The following MME variants were observed in gnomAD, a reference collection of about 807,000 sequenced individuals.
The protein encoded by MME is membrane metalloendopeptidase.
MME carries 98 observed loss-of-function variants against 113.2 expected under a neutral mutation model. The ratio of observed to expected loss-of-function variants is 0.87; its 90% CI spans 0.74 to 1.02. MME has a LOEUF of 1.02. MME is among the 50% of genes least tolerant of loss of function. The pLI, the probability that MME is intolerant of heterozygous loss-of-function variation, is 0.00. For synonymous variants in MME, 292 were observed against 300.6 expected (o/e 0.97, Z 0.30); for missense variants, 836 against 896.0 (o/e 0.93, Z 0.86).
At chr3:155,067,560 C>T (rs553694052) in intron 1 of MME, among the ~76,000 whole-genome samples, 31 of 152,088 alleles carry the variant, frequency 2.0e-4, no homozygotes, top group African/African-American at 6.3e-4. Flanking sequence ...CTGCCCACCT[C>T]GGCCTCCCAA....
Position 155,183,333 on chromosome 3 carries a change from A to G in MME, c.*2874A>G, listed in dbSNP as rs201817090. ...ATTGGTGGTTCTCAGCAAGAGAAGG[A>G]GTATGTGTCCAATGCTGCCTTCCCA... On this transcript the variant is annotated 3_prime_UTR_variant, in exon 23 of 23. Transcript: ENST00000360490. 1 of 152,192 alleles carries G rather than the reference A, an allele frequency of 6.6e-6. No homozygotes were observed. The highest frequency in any genetic ancestry group is 1.5e-5 in the Non-Finnish European group (1 of 68,046). The allele number at this position is 152,192 out of a possible 1,614,324, so 9.4% of individuals were successfully genotyped here. A position where few individuals can be genotyped will look rare whatever the true frequency, so the allele number is the denominator to read the frequency against.
rs544896747 is a variant in MME, at chr3:155,041,702, G to T, written c.-11+17378G>T. ...CCAGGGTCTCTGTTTAAATAGAAGT[G>T]CACAATGAAGTGGCTTAGAGAAATT... On this transcript the variant is annotated intron_variant, in intron 1 of 22. Transcript: ENST00000492661. Among the ~76,000 whole-genome samples, 13 of 152,230 alleles carry T rather than the reference G, an allele frequency of 8.5e-5. 1 individual carries two copies. Among genetic ancestry groups the T allele is most frequent in the African/African-American group, 3.1e-4 (13 of 41,564 alleles).
chr3:155,140,403 T>G, intron 10 of MME, 111 bp downstream of exon 10: 1 of 536,096 alleles, frequency 1.9e-6, no homozygotes, highest in East Asian at 3.8e-5. Context: ...AAATGGGACT[T>G]CAATTCCTTT....
intron 8 of MME, among the ~76,000 whole-genome samples, chr3:155,133,241 G>T (rs1226792731): frequency 6.6e-6 from 1 of 151,268 alleles, no homozygotes; most frequent in South Asian, 2.1e-4. Flanking sequence ...AGATAAATTT[G>T]GAAGTCAGGA....
chr3:155,059,258 CAAA>C (rs11459710), intron 1 of MME, among the ~76,000 whole-genome samples: 4 of 56,084 alleles, frequency 7.1e-5, no homozygotes, highest in African/African-American at 2.9e-4. Context: ...AATTCTGTCT[CAAA>C]AAAAAAAAAA....
At chr3:155,063,710 A>ATATTT (rs1714277524) in intron 1 of MME, among the ~76,000 whole-genome samples, 1 of 134,566 alleles carries the variant, frequency 7.4e-6, no homozygotes, top group Non-Finnish European at 1.5e-5. Context: ...ATATTATATT[A>ATATTT]TATTATATAT....
chr3:155,088,207 T>TGC (rs879702011), intron 3 of MME, among the ~76,000 whole-genome samples: 32 of 140,850 alleles, frequency 2.3e-4, no homozygotes, highest in Non-Finnish European at 3.8e-4. Flanking sequence ...CACACACTCG[T>TGC]GCGCGCACAC....
chr3:155,127,719 A>C (rs1004913560), intron 8 of MME, among the ~76,000 whole-genome samples: 4 of 152,232 alleles, frequency 2.6e-5, no homozygotes, highest in Non-Finnish European at 2.9e-5. Context: ...AATCAGTAAT[A>C]TGTTTATAGA....
intron 1 of MME, 123 bp from the exon 2 acceptor site, chr3:155,084,035 G>A (rs550863574): frequency 1.3e-3 from 1,271 of 967,112 alleles, no homozygotes; most frequent in Admixed American, 4.9e-3. Context: ...CTTCTCAACA[G>A]CAAAAATGTA....
At chr3:155,049,944 G>A (rs9917791) in intron 1 of MME, among the ~76,000 whole-genome samples, 17,163 of 151,924 alleles carry the variant, frequency 0.11, 1,363 homozygotes, top group African/African-American at 0.23. Flanking sequence ...TACTAAGCAC[G>A]GTACCCAAAA....
intron 5 of MME, 31 bp downstream of exon 5, chr3:155,116,590 G>GTATGTATA: frequency 3.2e-6 from 4 of 1,239,224 alleles, no homozygotes; most frequent in Non-Finnish European, 4.6e-6. Flanking sequence ...TTCATTAGGA[G>GTATGTATA]TATATATATA....
intron 22 of MME, 146 bp from the exon 23 acceptor site, chr3:155,180,214 T>G (rs1029183758): frequency 1.4e-6 from 1 of 724,728 alleles, no homozygotes; most frequent in Non-Finnish European, 2.5e-6. Context: ...GAGAAGGCAC[T>G]GACTCATTGT....
intron 3 of MME, chr3:155,085,826 C>G (rs1715661953): frequency 1.3e-5 from 2 of 152,308 alleles, no homozygotes; most frequent in South Asian, 4.1e-4. Context: ...CCACCGCACC[C>G]AGCCTTAAAT....
intron 1 of MME, among the ~76,000 whole-genome samples, chr3:155,042,068 G>A (rs1022016828): frequency 3.9e-5 from 6 of 152,066 alleles, no homozygotes; most frequent in East Asian, 1.9e-4. Flanking sequence ...TTTCAATTTA[G>A]GGTTTTACAG....
chr3:155,180,503 C>T lies in MME; in HGVS notation c.*44C>T, dbSNP rs201216676. 1.8e-4 allele frequency: 255 copies of T among 1,433,888 alleles called. 1 individual carries two copies. In the African/African-American group the frequency reaches 3.4e-3, roughly 19 times the overall value. The allele number at this position is 1,433,888 out of a possible 1,614,324, so 88.8% of individuals were successfully genotyped here. A position where few individuals can be genotyped will look rare whatever the true frequency, so the allele number is the denominator to read the frequency against. ...CAGCCCTTGGCTAGACTTGCCAACA[C>T]CACAGAAATGGGGAATTCTCTAATC... is the stretch of plus-strand genomic sequence containing the variant. On this transcript the variant is annotated 3_prime_UTR_variant, in exon 23 of 23. Transcript: ENST00000360490.
At chr3:155,140,914 T>C (rs1228629265) in intron 10 of MME, among the ~76,000 whole-genome samples, 1 of 152,184 alleles carries the variant, frequency 6.6e-6, no homozygotes, top group Non-Finnish European at 1.5e-5. Context: ...ATCAAGGCCA[T>C]CTACAGAGGT....
At chr3:155,171,089 A>G (rs1386275041) in intron 20 of MME, among the ~76,000 whole-genome samples, 2 of 152,198 alleles carry the variant, frequency 1.3e-5, no homozygotes, top group Non-Finnish European at 2.9e-5. Flanking sequence ...AATCACTGCT[A>G]TAAAATCCAG....
rs145556613 is a variant in MME, at chr3:155,100,244, T to G, written c.197-14750T>G. 9.5e-3 allele frequency among the ~76,000 whole-genome samples: 1,439 copies of G among 152,232 alleles called. 20 individuals carry two copies. The highest frequency in any genetic ancestry group is 0.033 in the African/African-American group (1,381 of 41,548). On this transcript the variant is annotated intron_variant, in intron 3 of 22. Transcript: ENST00000360490. The stretch of plus-strand genomic sequence containing the variant: ...ACCCCATCAAAAAGTGGGCAAAGGA[T>G]ATGAACAGACACTTCTCAAAAGAAG...
chr3:155,062,815 A>G (rs1714193614), intron 1 of MME, among the ~76,000 whole-genome samples: 1 of 151,926 alleles, frequency 6.6e-6, no homozygotes, highest in Non-Finnish European at 1.5e-5. Flanking sequence ...AGGCCCACGG[A>G]TCACAAGGTC....
Sources: allele counts gnomAD v4.1 joint callset (sites outside exome capture counted in the v4.1 genomes callset), GRCh38; gene constraint gnomAD v4.1.1; transcripts MANE v1.5; gene names NCBI Gene and HGNC (gene_info 2026-07-23, HGNC 2026-07-21).